The following SLIT3 variants were observed in gnomAD, a reference collection of about 807,000 sequenced individuals.
SLIT3 encodes the protein slit homolog 3 protein.
A neutral mutation model predicts 184.0 loss-of-function variants in SLIT3; 68 were observed. The observed-to-expected ratio is 0.37, with a 90% CI of 0.30 to 0.45. The LOEUF (loss-of-function observed/expected upper bound fraction) is 0.45, where lower values mean the gene tolerates loss of function less well. SLIT3 is among the 20% of genes least tolerant of loss of function. The pLI is 1.00. For synonymous variants in SLIT3, 831 were observed against 828.6 expected (o/e 1.00, Z -0.05); for missense variants, 1,707 against 2,026.0 (o/e 0.84, Z 3.02).
chr5:169,261,663 G>A (rs1270928365), intron 1 of SLIT3, among the ~76,000 whole-genome samples: 1 of 152,172 alleles, frequency 6.6e-6, no homozygotes, highest in Non-Finnish European at 1.5e-5. Context: ...CAATAGCAAA[G>A]AAGTTCCTTT....
At chr5:168,729,845 A>G (rs1322515040) in intron 20 of SLIT3, among the ~76,000 whole-genome samples, 1 of 152,100 alleles carries the variant, frequency 6.6e-6, no homozygotes, top group Non-Finnish European at 1.5e-5. Flanking sequence ...ACAATCAACA[A>G]TATGACAGGA....
At chr5:168,970,162 C>G (rs1037752452) in intron 4 of SLIT3, among the ~76,000 whole-genome samples, 1 of 151,200 alleles carries the variant, frequency 6.6e-6, no homozygotes, top group Non-Finnish European at 1.5e-5. Context: ...GCCTGGGCAA[C>G]AGAGAGAGAC....
chr5:168,891,858 G>A (rs920753089), intron 4 of SLIT3, among the ~76,000 whole-genome samples: 2 of 152,194 alleles, frequency 1.3e-5, no homozygotes, highest in African/African-American at 4.8e-5. Context: ...GGGTTGTGCA[G>A]GTAAAGTAAA....
chr5:168,673,246 T>A lies in SLIT3; in HGVS notation c.3772A>T (p.Thr1258Ser). Residue 1258 changes from threonine (T) to serine (S), a missense_variant, in exon 33 of 36, where the codon ACT (threonine) becomes TCT (serine). Thr to Ser is a moderately conservative substitution (Grantham distance 58). Transcript: ENST00000519560. The stretch of plus-strand genomic sequence containing the variant: ...TGGAGCTTCCCCAGGCTCTTTGGAG[T>A]TCCTTTGTCCACTACTAGGTTCAGG... ...QTLNLVVDKG[T>S]PKSLGKLQKQ... is the part of the protein sequence containing the mutation. The A allele has an allele frequency of 6.2e-7, 1 of 1,613,954 alleles. No homozygotes were observed. The highest frequency in any genetic ancestry group is 8.5e-7 in the Non-Finnish European group (1 of 1,179,988).
intron 5 of SLIT3, among the ~76,000 whole-genome samples, chr5:168,872,802 G>C (rs189747103): frequency 1.3e-5 from 2 of 151,576 alleles, no homozygotes; most frequent in African/African-American, 2.4e-5. Context: ...CACCACACCC[G>C]GCTAATTTTT....
chr5:168,743,989 A>T (rs1763717841), intron 20 of SLIT3, among the ~76,000 whole-genome samples: 1 of 152,134 alleles, frequency 6.6e-6, no homozygotes, highest in Non-Finnish European at 1.5e-5. Context: ...TTGGTTCATG[A>T]GGTTTAAGAA....
At chr5:168,975,856 C>G (rs902921365) in intron 4 of SLIT3, among the ~76,000 whole-genome samples, 8 of 152,148 alleles carry the variant, frequency 5.3e-5, no homozygotes, top group African/African-American at 1.9e-4. Context: ...GCATCCAGAG[C>G]TACGGGTGGG....
intron 14 of SLIT3, among the ~76,000 whole-genome samples, chr5:168,765,927 G>C (rs1755329828): frequency 6.6e-6 from 1 of 152,114 alleles, no homozygotes. Flanking sequence ...TAATAGACGG[G>C]GGGGTGGGGG....
rs372131562 is a variant in SLIT3 at position 168,669,936 on chromosome 5, C to T, written c.4183G>A (p.Glu1395Lys). 3.7e-5 allele frequency: 59 copies of T among 1,614,032 alleles called. No individual in the cohort carries two copies. The highest frequency in any genetic ancestry group is 3.6e-4 in the East Asian group (16 of 44,866). ...TCACACAAGTCCCCTCCATAGCCCT[C>T]GGCACACTTGCACATGTATGAGGTC... The part of the protein sequence containing the change: ...TGTSYMCKCA[E>K]GYGGDLCDNK... The change falls in exon 35 of 36, where the codon GAG becomes AAG. Residue 1395 changes from glutamate (E) to lysine (K), a missense_variant. Physicochemically the swap from Glu to Lys is moderately conservative, Grantham distance 56. Around this residue, in one of 3 missense-constraint regions of SLIT3, gnomAD observed 387 missense variants for 477.9 expected, o/e 0.81. Transcript: ENST00000519560.
intron 4 of SLIT3, among the ~76,000 whole-genome samples, chr5:168,951,101 T>A (rs114478552): frequency 0.012 from 1,752 of 152,248 alleles, 18 homozygotes; most frequent in Non-Finnish European, 0.017. Flanking sequence ...CTGCCTGTAA[T>A]CCCGGCTACT....
intron 1 of SLIT3, among the ~76,000 whole-genome samples, chr5:169,274,449 A>G (rs566555239): frequency 2.0e-5 from 3 of 152,230 alleles, no homozygotes; most frequent in Non-Finnish European, 2.9e-5. Context: ...AAAACAGATA[A>G]GATAATGTAT....
chr5:168,898,316 C>T (rs12519316), intron 4 of SLIT3, among the ~76,000 whole-genome samples: 10,077 of 151,738 alleles, frequency 0.066, 682 homozygotes, highest in East Asian at 0.32. Flanking sequence ...GTGGCTGGCT[C>T]GAAATCAAGA....
intron 4 of SLIT3, among the ~76,000 whole-genome samples, chr5:169,045,756 C>A (rs1757602773): frequency 6.6e-6 from 1 of 152,190 alleles, no homozygotes; most frequent in Non-Finnish European, 1.5e-5. Context: ...AGGAAGCATT[C>A]TCTGCCTAAT....
chr5:169,251,588 C>G (rs1273839745), intron 1 of SLIT3, 129 bp from the exon 2 acceptor site: 1 of 690,992 alleles, frequency 1.4e-6, no homozygotes, highest in Non-Finnish European at 2.7e-6. Context: ...TAACGATATC[C>G]CTTGAGCGTG....
intron 4 of SLIT3, among the ~76,000 whole-genome samples, chr5:168,889,059 C>T (rs1371244541): frequency 6.6e-6 from 1 of 152,108 alleles, no homozygotes; most frequent in African/African-American, 2.4e-5. Flanking sequence ...ATATAGTAAC[C>T]CAGTGACACA....
intron 32 of SLIT3, among the ~76,000 whole-genome samples, chr5:168,673,883 C>T (rs1781855864): frequency 7.0e-6 from 1 of 142,026 alleles, no homozygotes; most frequent in Admixed American, 7.3e-5. Flanking sequence ...TAAGCAAACT[C>T]CATTCCCAGA....
intron 27 of SLIT3, among the ~76,000 whole-genome samples, chr5:168,698,560 G>A (rs1416670746): frequency 6.6e-6 from 1 of 152,108 alleles, no homozygotes; most frequent in African/African-American, 2.4e-5. Context: ...ACCTTGATTT[G>A]GAACTTCTAT....
At chr5:168,818,071 T>C (rs1195330518) in intron 7 of SLIT3, among the ~76,000 whole-genome samples, 1 of 150,276 alleles carries the variant, frequency 6.7e-6, no homozygotes, top group African/African-American at 2.5e-5. Context: ...TTAGAGGATG[T>C]ACCTTCTTTC....
intron 4 of SLIT3, among the ~76,000 whole-genome samples, chr5:168,904,650 GA>G (rs1760985359): frequency 6.6e-6 from 1 of 152,124 alleles, no homozygotes; most frequent in African/African-American, 2.4e-5. Context: ...CTGGGGACAA[GA>G]ATGACGTCAG....
Sources: gnomAD v4.1 joint callset for allele counts (sites outside exome capture counted in the v4.1 genomes callset) on GRCh38, gnomAD v4.1.1 for gene constraint, gnomAD v4.1.1 regional missense constraint, MANE v1.5 for transcripts, NCBI Gene and HGNC (gene_info 2026-07-23, HGNC 2026-07-21) for gene names.